SUPT20HL2: variants seen among roughly 807,000 people sequenced by gnomAD.
SUPT20HL2 encodes transcription factor SPT20 homolog-like 2.
For synonymous variants in SUPT20HL2, 125 were observed against 51.6 expected (o/e 2.42, Z -6.10); for missense variants, 288 against 127.4 (o/e 2.26, Z -6.07).
rs1569195653 is a variant in SUPT20HL2, at chrX:24,309,704, T to TAAA, written c.*1157_*1158insTTT. Among the ~76,000 whole-genome samples the TAAA allele has an allele frequency of 5.4e-5, 1 of 18,355 alleles. No homozygotes were observed. 15.9% of individuals were successfully genotyped at this position (18,355 alleles called of 115,157 possible). A position where few individuals can be genotyped will look rare whatever the true frequency, so the allele number is the denominator to read the frequency against. On this transcript the variant is annotated 3_prime_UTR_variant, in exon 1 of 1. Transcript: ENST00000486479. ...AAAAAAAAAAAATTAAAAAAAAAAA[T>TAAA]TAAAAAAAAAAAGAAAAAAATAATA...
In SUPT20HL2 at chrX:24,311,976, A is replaced by G. The variant is rs775969793; in HGVS notation, c.1340T>C (p.Val447Ala). The G allele has an allele frequency of 1.0e-5, 4 of 381,475 alleles. No individual in the cohort carries two copies. Among genetic ancestry groups the G allele is most frequent in the Admixed American group, 1.0e-4 (4 of 39,141 alleles). The allele number at this position is 381,475 out of a possible 1,213,427, so 31.4% of individuals were successfully genotyped here. Reference protein sequence around the residue: ...SWKTPEQPDPVWVQSSVSGKG... With the variant: ...SWKTPEQPDPAWVQSSVSGKG... ...CCCGGATACTGAAGACTGGACCCAC[A>G]CAGGATCAGGCTGTTCTGGTGTTTT... Residue 447 changes from valine (V) to alanine (A), a missense_variant, in exon 1 of 1, where the codon GTG becomes GCG. Transcript: ENST00000486479.
rs757519651 is a variant in SUPT20HL2 at position 24,312,322 on chromosome X, C to G, written c.994G>C (p.Glu332Gln). The change falls in exon 1 of 1, where the codon GAG (glutamate) becomes CAG (glutamine). Residue 332 changes from glutamate (E) to glutamine (Q), a missense_variant. Transcript: ENST00000486479. ...GCATGTCTGAAAGGGTCTTCTACCT[C>G]CTGGGCTGGCCAGACTGGGAGCTGT... ...DPQLPVWPAQEVEDPFRHAWE... is the reference protein window; with the variant it reads ...DPQLPVWPAQQVEDPFRHAWE... The G allele has an allele frequency of 2.6e-6, 1 of 387,260 alleles. No individual in the cohort carries two copies. Among genetic ancestry groups the G allele is most frequent in the South Asian group, 2.3e-5 (1 of 42,800 alleles). The allele number at this position is 387,260 out of a possible 1,213,427, so 31.9% of individuals were successfully genotyped here. A position where few individuals can be genotyped will look rare whatever the true frequency, so the allele number is the denominator to read the frequency against.
At position 24,308,981 on chromosome X, in the gene SUPT20HL2, A is replaced by G. The variant is rs781320879; in HGVS notation, c.*1881T>C. On this transcript the variant is annotated 3_prime_UTR_variant, in exon 1 of 1. Transcript: ENST00000486479. Reference sequence around the variant, plus strand: ...ACAAAAGATCACATACTGTATGACTACATTTACAGGAAATATTTAGGTAAA... The same window carrying G: ...ACAAAAGATCACATACTGTATGACTGCATTTACAGGAAATATTTAGGTAAA... Among the ~76,000 whole-genome samples, 1 of 112,862 alleles carries G rather than the reference A, an allele frequency of 8.9e-6. No individual in the cohort carries two copies. Among genetic ancestry groups the G allele is most frequent in the South Asian group, 3.6e-4 (1 of 2,772 alleles).
chrX:24,313,527 CG>C lies in SUPT20HL2; in HGVS notation c.-213del, dbSNP rs1939155130. On this transcript the variant is annotated 5_prime_UTR_variant, in exon 1 of 1. Transcript: ENST00000486479. ...CTGAAAACATGGGTACCTGAGGGGT[CG>C]TCGTCGTGGCCGGGCTTCACGTCTC... 9.3e-6 allele frequency among the ~76,000 whole-genome samples: 1 copy of C among 107,784 alleles called. No individual in the cohort carries two copies. Among genetic ancestry groups the C allele is most frequent in the African/African-American group, 3.4e-5 (1 of 29,385 alleles). 93.6% of individuals were successfully genotyped at this position (107,784 alleles called of 115,157 possible).
chrX:24,309,760 A>C lies in SUPT20HL2; in HGVS notation c.*1102T>G, dbSNP rs1939104647. ...AAAAAAAAAAAGAAAAAAAAAAAAA[A>C]AAAAAAAAACATCCAAAAAGAGCCT... On this transcript the variant is annotated 3_prime_UTR_variant, in exon 1 of 1. Coordinates refer to ENST00000486479, the MANE Select transcript of SUPT20HL2 (RefSeq NM_001136233.3). Among the ~76,000 whole-genome samples, 3 of 93,450 alleles carry C rather than the reference A, an allele frequency of 3.2e-5. No individual in the cohort carries two copies. Among genetic ancestry groups the C allele is most frequent in the Non-Finnish European group, 6.4e-5 (3 of 47,198 alleles). 81.2% of individuals were successfully genotyped at this position (93,450 alleles called of 115,157 possible). A position where few individuals can be genotyped will look rare whatever the true frequency, so the allele number is the denominator to read the frequency against.
Position 24,311,607 on chromosome X carries a change from G to C in SUPT20HL2, c.1709C>G (p.Ser570Cys). ...CACGTTGGTGGCCTTTAGGCCAGTG[G>C]AGCCTGTCCGGACCTGAATGGCTGG... ...IAPAIQVRTG[S>C]TGLKATNVEG... is the part of the protein sequence containing the mutation. The change falls in exon 1 of 1, where the codon TCC (serine) becomes TGC (cysteine). Residue 570 changes from serine (S) to cysteine (C), a missense_variant. Coordinates refer to ENST00000486479, the MANE Select transcript of SUPT20HL2 (RefSeq NM_001136233.3). The C allele has an allele frequency of 2.6e-6, 1 of 385,651 alleles. No individual in the cohort carries two copies. Among genetic ancestry groups the C allele is most frequent in the Non-Finnish European group, 5.2e-6 (1 of 191,861 alleles). 31.8% of individuals were successfully genotyped at this position (385,651 alleles called of 1,213,427 possible).
Position 24,310,629 on chromosome X carries a change from T to G in SUPT20HL2, c.*233A>C, listed in dbSNP as rs1412552850. Among the ~76,000 whole-genome samples the G allele has an allele frequency of 8.9e-6, 1 of 112,320 alleles. No individual in the cohort carries two copies. Among genetic ancestry groups the G allele is most frequent in the Non-Finnish European group, 1.9e-5 (1 of 53,282 alleles). On this transcript the variant is annotated 3_prime_UTR_variant, in exon 1 of 1. Transcript: ENST00000486479. Reference sequence around the variant, plus strand: ...CTTTAAAATACTATATTAAAAACAATTATATCAACAGCAATGACAACAAAA... The same window carrying G: ...CTTTAAAATACTATATTAAAAACAAGTATATCAACAGCAATGACAACAAAA...
In SUPT20HL2 at chrX:24,309,748, A is replaced by T. The variant is rs1939102856; in HGVS notation, c.*1114T>A. Among the ~76,000 whole-genome samples the T allele has an allele frequency of 4.5e-4, 6 of 13,432 alleles. No homozygotes were observed. Among genetic ancestry groups the T allele is most frequent in the Admixed American group, 7.8e-4 (1 of 1,276 alleles). 11.7% of individuals were successfully genotyped at this position (13,432 alleles called of 115,157 possible). ...AATAATAAAAATAAAAAAAAAAAGAAAAAAAAAAAAAAAAAAAAAAACATC... is the reference window on the plus strand; with the variant it reads ...AATAATAAAAATAAAAAAAAAAAGATAAAAAAAAAAAAAAAAAAAAACATC... On this transcript the variant is annotated 3_prime_UTR_variant, in exon 1 of 1. Transcript: ENST00000486479.
rs1939105384 is a variant in SUPT20HL2 at position 24,309,765 on chromosome X, A to AAAAAAAAAAAAAAAAAAAAAC, written c.*1096_*1097insGTTTTTTTTTTTTTTTTTTTT. Among the ~76,000 whole-genome samples, 1 of 92,772 alleles carries AAAAAAAAAAAAAAAAAAAAAC rather than the reference A, an allele frequency of 1.1e-5. No homozygotes were observed. Among genetic ancestry groups the AAAAAAAAAAAAAAAAAAAAAC allele is most frequent in the African/African-American group, 3.9e-5 (1 of 25,630 alleles). The allele number at this position is 92,772 out of a possible 115,157, so 80.6% of individuals were successfully genotyped here. A position where few individuals can be genotyped will look rare whatever the true frequency, so the allele number is the denominator to read the frequency against. On this transcript the variant is annotated 3_prime_UTR_variant, in exon 1 of 1. Transcript: ENST00000486479. ...AAAAAAGAAAAAAAAAAAAAAAAAA[A>AAAAAAAAAAAAAAAAAAAAAC]AAAACATCCAAAAAGAGCCTTTTCA...
rs1939098610 is a variant in SUPT20HL2, at chrX:24,309,728, T to TAAAAA, written c.*1129_*1133dup. 8.6e-4 allele frequency among the ~76,000 whole-genome samples: 11 copies of TAAAAA among 12,764 alleles called. No homozygotes were observed. The highest frequency in any genetic ancestry group is 1.7e-3 in the African/African-American group (3 of 1,793). The allele number at this position is 12,764 out of a possible 115,157, so 11.1% of individuals were successfully genotyped here. ...ATTAAAAAAAAAAAGAAAAAAATAA[T>TAAAAA]AAAAATAAAAAAAAAAAGAAAAAAA... On this transcript the variant is annotated 3_prime_UTR_variant, in exon 1 of 1. Transcript: ENST00000486479.
At position 24,312,638 on chromosome X, in the gene SUPT20HL2, G is replaced by A. The variant is rs765591358; in HGVS notation, c.678C>T (p.Asn226=). The change falls in exon 1 of 1, where the codon AAC becomes AAT. Residue 226 remains asparagine (N), a synonymous_variant. Coordinates refer to ENST00000486479, the MANE Select transcript of SUPT20HL2 (RefSeq NM_001136233.3). ...VACTANRLLY[N]KQKMNTDPME... is the part of the protein sequence containing the mutation. ...TCGGGTCGGTATTCATCTTTTGCTTGTTGTACAGCAGCCTGTTTGCAGTGC... is the reference window on the plus strand; with the variant it reads ...TCGGGTCGGTATTCATCTTTTGCTTATTGTACAGCAGCCTGTTTGCAGTGC... 2.6e-6 allele frequency: 1 copy of A among 386,907 alleles called. No homozygotes were observed. Among genetic ancestry groups the A allele is most frequent in the East Asian group, 7.5e-5 (1 of 13,396 alleles). 31.9% of individuals were successfully genotyped at this position (386,907 alleles called of 1,213,427 possible).
In SUPT20HL2 at chrX:24,309,691, TTAA is replaced by T. The variant is rs1939095347; in HGVS notation, c.*1168_*1170del. 4.0e-5 allele frequency among the ~76,000 whole-genome samples: 1 copy of T among 24,845 alleles called. No individual in the cohort carries two copies. Among genetic ancestry groups the T allele is most frequent in the African/African-American group, 2.2e-4 (1 of 4,589 alleles). 21.6% of individuals were successfully genotyped at this position (24,845 alleles called of 115,157 possible). A position where few individuals can be genotyped will look rare whatever the true frequency, so the allele number is the denominator to read the frequency against. ...TTAGAGTATAATAAAAAAAAAAAAA[TTAA>T]AAAAAAAAATTAAAAAAAAAAAGAA... On this transcript the variant is annotated 3_prime_UTR_variant, in exon 1 of 1. Transcript: ENST00000486479.
At position 24,313,799 on chromosome X, in the gene SUPT20HL2, C is replaced by G. The variant is rs1939158438; in HGVS notation, c.-484G>C. The G allele has an allele frequency of 6.2e-6, 2 of 323,577 alleles. No individual in the cohort carries two copies. Among genetic ancestry groups the G allele is most frequent in the African/African-American group, 5.8e-5 (2 of 34,754 alleles). 26.7% of individuals were successfully genotyped at this position (323,577 alleles called of 1,213,427 possible). ...TGGGCACCTGCCCAGAAACCTGCCC[C>G]CAGGGAAGCGCTACCCAATCTGTTT... On this transcript the variant is annotated 5_prime_UTR_variant, in exon 1 of 1. Coordinates refer to ENST00000486479, the MANE Select transcript of SUPT20HL2 (RefSeq NM_001136233.3).
In SUPT20HL2 at chrX:24,309,717, G is replaced by GAAAAAAAAA. The variant is rs1939097074; in HGVS notation, c.*1144_*1145insTTTTTTTTT. On this transcript the variant is annotated 3_prime_UTR_variant, in exon 1 of 1. Transcript: ENST00000486479. ...TAAAAAAAAAAATTAAAAAAAAAAA[G>GAAAAAAAAA]AAAAAAATAATAAAAATAAAAAAAA... is the stretch of plus-strand genomic sequence containing the variant. 1.4e-4 allele frequency among the ~76,000 whole-genome samples: 2 copies of GAAAAAAAAA among 13,829 alleles called. No individual in the cohort carries two copies. Among genetic ancestry groups the GAAAAAAAAA allele is most frequent in the Non-Finnish European group, 2.2e-4 (2 of 9,288 alleles). The allele number at this position is 13,829 out of a possible 115,157, so 12.0% of individuals were successfully genotyped here. A position where few individuals can be genotyped will look rare whatever the true frequency, so the allele number is the denominator to read the frequency against.
rs200819920 is a variant in SUPT20HL2, at chrX:24,312,760, C to T, written c.556G>A (p.Glu186Lys). 1 of 387,124 alleles carries T rather than the reference C, an allele frequency of 2.6e-6. No homozygotes were observed. The highest frequency in any genetic ancestry group is 5.2e-6 in the Non-Finnish European group (1 of 192,616). 31.9% of individuals were successfully genotyped at this position (387,124 alleles called of 1,213,427 possible). ...PEVKTMTRDG[E>K]KWSQEDKFPL... is the part of the protein sequence containing the mutation. ...AATTTGTCTTCCTGGCTCCATTTCT[C>T]GCCATCTCTTGTCATCGTCTTCACC... The change falls in exon 1 of 1, where the codon GAG becomes AAG. Residue 186 changes from glutamate to lysine, a missense_variant. Transcript: ENST00000486479.
In SUPT20HL2 at chrX:24,313,931, G is replaced by C. The variant is rs978900768; in HGVS notation, c.-616C>G. On this transcript the variant is annotated 5_prime_UTR_variant, in exon 1 of 1. Coordinates refer to ENST00000486479, the MANE Select transcript of SUPT20HL2 (RefSeq NM_001136233.3). ...GCGGGAGGGCCGGGGTCAGCTTCTAGGCGCGTCTGGGCACCTGCCCAGAAA... is the reference window on the plus strand; with the variant it reads ...GCGGGAGGGCCGGGGTCAGCTTCTACGCGCGTCTGGGCACCTGCCCAGAAA... 2 of 364,521 alleles carry C rather than the reference G, an allele frequency of 5.5e-6. No homozygotes were observed. The highest frequency in any genetic ancestry group is 5.4e-5 in the African/African-American group (2 of 37,360). 30.0% of individuals were successfully genotyped at this position (364,521 alleles called of 1,213,427 possible).
Position 24,309,746 on chromosome X carries a change from G to GAAAAAAAAAAAAAA in SUPT20HL2, c.*1102_*1115dup. Among the ~76,000 whole-genome samples the GAAAAAAAAAAAAAA allele has an allele frequency of 1.1e-3, 23 of 21,782 alleles. 1 individual carries two copies. Among genetic ancestry groups the GAAAAAAAAAAAAAA allele is most frequent in the African/African-American group, 1.9e-3 (8 of 4,155 alleles). 18.9% of individuals were successfully genotyped at this position (21,782 alleles called of 115,157 possible). ...AAAATAATAAAAATAAAAAAAAAAA[G>GAAAAAAAAAAAAAA]AAAAAAAAAAAAAAAAAAAAAAACA... is the stretch of plus-strand genomic sequence containing the variant. On this transcript the variant is annotated 3_prime_UTR_variant, in exon 1 of 1. Transcript: ENST00000486479.
At position 24,309,759 on chromosome X, in the gene SUPT20HL2, A is replaced by T. The variant is rs1354210854; in HGVS notation, c.*1103T>A. Among the ~76,000 whole-genome samples, 1 of 93,206 alleles carries T rather than the reference A, an allele frequency of 1.1e-5. No homozygotes were observed. The highest frequency in any genetic ancestry group is 2.1e-5 in the Non-Finnish European group (1 of 47,036). 80.9% of individuals were successfully genotyped at this position (93,206 alleles called of 115,157 possible). On this transcript the variant is annotated 3_prime_UTR_variant, in exon 1 of 1. Transcript: ENST00000486479. ...TAAAAAAAAAAAGAAAAAAAAAAAA[A>T]AAAAAAAAAACATCCAAAAAGAGCC...
rs868599010 is a variant in SUPT20HL2, at chrX:24,309,691, T to A, written c.*1171A>T. Among the ~76,000 whole-genome samples the A allele has an allele frequency of 2.4e-3, 60 of 24,748 alleles. No homozygotes were observed. The highest frequency in any genetic ancestry group is 4.7e-3 in the East Asian group (4 of 856). The allele number at this position is 24,748 out of a possible 115,157, so 21.5% of individuals were successfully genotyped here. A position where few individuals can be genotyped will look rare whatever the true frequency, so the allele number is the denominator to read the frequency against. ...TTAGAGTATAATAAAAAAAAAAAAA[T>A]TAAAAAAAAAAATTAAAAAAAAAAA... On this transcript the variant is annotated 3_prime_UTR_variant, in exon 1 of 1. Transcript: ENST00000486479.
Sources: gnomAD v4.1 joint callset for allele counts (sites outside exome capture counted in the v4.1 genomes callset) on GRCh38, gnomAD v4.1.1 for gene constraint, MANE v1.5 for transcripts, NCBI Gene and HGNC (gene_info 2026-07-23, HGNC 2026-07-21) for gene names.